The following DIAPH1 variants were observed in gnomAD, a reference collection of about 807,000 sequenced individuals.
DIAPH1 encodes the protein diaphanous related formin 1.
A neutral mutation model predicts 140.7 loss-of-function variants in DIAPH1; 46 were observed. The ratio of observed to expected loss-of-function variants is 0.33; its 90% CI spans 0.26 to 0.42. DIAPH1 has a LOEUF of 0.42. DIAPH1 is among the 10% of genes least tolerant of loss of function. The pLI is 1.00. For synonymous variants in DIAPH1, 565 were observed against 551.6 expected, an observed-to-expected ratio of 1.02 and a Z score of -0.34; for missense variants, 1,310 against 1,558.7, an observed-to-expected ratio of 0.84 and a Z score of 2.69.
intron 1 of DIAPH1, among the ~76,000 whole-genome samples, chr5:141,598,678 CTTTATAG>C (rs1353189880): frequency 3.3e-5 from 5 of 152,050 alleles, no homozygotes; most frequent in Non-Finnish European, 5.9e-5. Context: ...TTCCTAGATA[CTTTATAG>C]TTTATAACAA....
At chr5:141,593,997 T>G (rs1396167883) in intron 1 of DIAPH1, among the ~76,000 whole-genome samples, 1 of 152,160 alleles carries the variant, frequency 6.6e-6, no homozygotes, top group Non-Finnish European at 1.5e-5. Context: ...GGTTTCACCA[T>G]GTTGGCCAGG....
At chr5:141,520,522 C>T (rs2099886356) in intron 27 of DIAPH1, among the ~76,000 whole-genome samples, 1 of 152,122 alleles carries the variant, frequency 6.6e-6, no homozygotes, top group Non-Finnish European at 1.5e-5. Flanking sequence ...TGTGATACAC[C>T]TTCTCCCCCC....
At chr5:141,529,553 G>A in intron 20 of DIAPH1, 50 bp downstream of exon 20, 1 of 1,419,894 alleles carries the variant, frequency 7.0e-7, no homozygotes, top group Admixed American at 1.7e-5. Flanking sequence ...TGAGGCCAGT[G>A]CCCAGCGACA....
At chr5:141,582,059 CAAAAAAAAA>C (rs70991705) in intron 7 of DIAPH1, 117 of 79,762 alleles carry the variant, frequency 1.5e-3, no homozygotes, top group Middle Eastern at 4.6e-3. Flanking sequence ...GACTCCATCT[CAAAAAAAAA>C]AAAAAAAAAA....
At chr5:141,544,011 C>CA (rs1346173756) in intron 18 of DIAPH1, among the ~76,000 whole-genome samples, 1 of 151,770 alleles carries the variant, frequency 6.6e-6, no homozygotes, top group Non-Finnish European at 1.5e-5. Flanking sequence ...AGGTAAGACA[C>CA]AAAAAAAAGT....
At chr5:141,548,927 T>C (rs1053070444) in intron 18 of DIAPH1, among the ~76,000 whole-genome samples, 2 of 152,186 alleles carry the variant, frequency 1.3e-5, no homozygotes, top group African/African-American at 4.8e-5. Flanking sequence ...TTTAAGATAC[T>C]CACTAGGAGG....
At chr5:141,577,002 G>A (rs919336944) in intron 12 of DIAPH1, 131 bp from the exon 13 acceptor site, 2 of 686,806 alleles carry the variant, frequency 2.9e-6, no homozygotes, top group Admixed American at 2.2e-5. Context: ...GTTAACACAA[G>A]TATTGCTGCC....
chr5:141,609,168 C>CAAAAAAAA (rs11405338), intron 1 of DIAPH1, among the ~76,000 whole-genome samples: 3 of 84,376 alleles, frequency 3.6e-5, no homozygotes, highest in African/African-American at 4.4e-5. Context: ...TTACTAAATG[C>CAAAAAAAA]AAAAAAAAAA....
At chr5:141,547,877 A>G (rs1367504560) in intron 18 of DIAPH1, among the ~76,000 whole-genome samples, 1 of 152,196 alleles carries the variant, frequency 6.6e-6, no homozygotes, top group Non-Finnish European at 1.5e-5. Flanking sequence ...ATCATAGTAA[A>G]ACTGCTAAAA....
chr5:141,618,063 C>A (rs868020670), intron 1 of DIAPH1, among the ~76,000 whole-genome samples: 3 of 152,216 alleles, frequency 2.0e-5, no homozygotes, highest in Non-Finnish European at 4.4e-5. Flanking sequence ...AAGAAGGGCA[C>A]AATCATGAGA....
intron 18 of DIAPH1, among the ~76,000 whole-genome samples, chr5:141,547,744 G>A (rs960967508): frequency 6.6e-6 from 1 of 152,134 alleles, no homozygotes; most frequent in African/African-American, 2.4e-5. Context: ...TTGGACAGGA[G>A]CAAGATTTGA....
At chr5:141,552,729 T>C (rs1043573890) in intron 18 of DIAPH1, among the ~76,000 whole-genome samples, 3 of 152,172 alleles carry the variant, frequency 2.0e-5, no homozygotes, top group African/African-American at 7.2e-5. Context: ...ATCTGATGTG[T>C]CCTTATAAAG....
rs550252578 is a variant in DIAPH1, at chr5:141,554,440, C to A, written c.2482+16988G>T. The stretch of plus-strand genomic sequence containing the variant: ...GAACTAAATCGGTGATCAAAAATTT[C>A]TTCAGAGACCCAGATGACTTTACCA... On this transcript the variant is annotated intron_variant, in intron 18 of 27. Coordinates refer to ENST00000389054, the MANE Select transcript of DIAPH1 (RefSeq NM_005219.5). Among the ~76,000 whole-genome samples the A allele has an allele frequency of 1.2e-4, 18 of 152,276 alleles. No homozygotes were observed. In the South Asian group the frequency reaches 3.7e-3, roughly 32 times the overall value.
chr5:141,570,714 A>T (rs755225246), intron 18 of DIAPH1, among the ~76,000 whole-genome samples: 1 of 152,068 alleles, frequency 6.6e-6, no homozygotes, highest in Non-Finnish European at 1.5e-5. Flanking sequence ...GTAAGCCTCT[A>T]AACAAACAAA....
At chr5:141,606,832 A>G (rs1275410853) in intron 1 of DIAPH1, among the ~76,000 whole-genome samples, 4 of 152,154 alleles carry the variant, frequency 2.6e-5, no homozygotes, top group African/African-American at 9.7e-5. Context: ...ACATATAGTT[A>G]CATTAGTGAT....
intron 1 of DIAPH1, among the ~76,000 whole-genome samples, chr5:141,590,307 A>G (rs771538857): frequency 6.6e-6 from 1 of 152,246 alleles, no homozygotes; most frequent in Non-Finnish European, 1.5e-5. Context: ...GAATAGGTCA[A>G]GAGTCCACTG....
At chr5:141,557,557 T>C (rs2099892816) in intron 18 of DIAPH1, among the ~76,000 whole-genome samples, 2 of 152,192 alleles carry the variant, frequency 1.3e-5, no homozygotes, top group South Asian at 2.1e-4. Context: ...AAGGGGTTCC[T>C]TTTTTTCTTC....
Position 141,543,907 on chromosome 5 carries a change from G to A in DIAPH1, c.2483-9474C>T, listed in dbSNP as rs532924081. On this transcript the variant is annotated intron_variant, in intron 18 of 27. Transcript: ENST00000389054. ...ATAGACAAGCATGCATCTATACAAC[G>A]GACCATAGAACTAAATGGAAAACCT... Among the ~76,000 whole-genome samples the A allele has an allele frequency of 2.6e-5, 4 of 152,190 alleles. No individual in the cohort carries two copies. In the South Asian group the frequency reaches 6.2e-4, roughly 24 times the overall value.
At chr5:141,519,891 G>C (rs2099886248) in intron 27 of DIAPH1, among the ~76,000 whole-genome samples, 1 of 152,126 alleles carries the variant, frequency 6.6e-6, no homozygotes, top group African/African-American at 2.4e-5. Context: ...CATAGAACCA[G>C]ATAAATATTT....
Sources: allele counts gnomAD v4.1 joint callset (sites outside exome capture counted in the v4.1 genomes callset), GRCh38; gene constraint gnomAD v4.1.1; transcripts MANE v1.5; gene names NCBI Gene and HGNC (gene_info 2026-07-23, HGNC 2026-07-21).